Variants in NSMCE2 observed in about 807,000 individuals in gnomAD.
The protein encoded by NSMCE2 is E3 SUMO-protein ligase NSE2.
NSMCE2 carries 24 observed loss-of-function variants against 23.8 expected under a neutral mutation model. That is an observed-to-expected ratio of 1.01 (90% CI 0.73 to 1.42). NSMCE2 has a LOEUF of 1.42. Among genes scored for constraint, NSMCE2 ranks in the 40% most tolerant of loss-of-function variants. NSMCE2 has a pLI of 0.00. For missense variants in NSMCE2, 284 were observed against 296.5 expected (o/e 0.96, Z 0.31); for synonymous variants, 92 against 94.1 (o/e 0.98, Z 0.13).
chr8:125,160,697 A>T (rs1821567327), intron 4 of NSMCE2, among the ~76,000 whole-genome samples: 1 of 152,200 alleles, frequency 6.6e-6, no homozygotes, highest in Non-Finnish European at 1.5e-5. Context: ...AGAGATAAGA[A>T]CCAGACAACA....
intron 5 of NSMCE2, among the ~76,000 whole-genome samples, chr8:125,230,609 A>G (rs112461657): frequency 2.2e-4 from 34 of 152,262 alleles, no homozygotes; most frequent in African/African-American, 8.2e-4. Flanking sequence ...GTGAATTTTT[A>G]CTCAACACCA....
chr8:125,254,387 A>G (rs1826323451), intron 5 of NSMCE2, among the ~76,000 whole-genome samples: 1 of 152,224 alleles, frequency 6.6e-6, no homozygotes, highest in African/African-American at 2.4e-5. Flanking sequence ...ACGGGACCCA[A>G]TTTACAAAAG....
At chr8:125,265,208 A>G (rs1240762287) in intron 5 of NSMCE2, among the ~76,000 whole-genome samples, 1 of 149,536 alleles carries the variant, frequency 6.7e-6, no homozygotes, top group Non-Finnish European at 1.5e-5. Flanking sequence ...TGTTATTATT[A>G]TTATCATTAC....
intron 5 of NSMCE2, among the ~76,000 whole-genome samples, chr8:125,273,070 T>C (rs753776684): frequency 3.9e-5 from 6 of 152,146 alleles, no homozygotes; most frequent in Non-Finnish European, 8.8e-5. Context: ...CAGTTACTGC[T>C]TCATAAATGG....
rs137895376 is a variant in NSMCE2, at chr8:125,316,686, TCTTCCTTCTTTCCTTC to T, written c.419-40516_419-40501del. 2.5e-3 allele frequency among the ~76,000 whole-genome samples: 154 copies of T among 62,420 alleles called. 6 individuals carry two copies. Among genetic ancestry groups the T allele is most frequent in the Non-Finnish European group, 4.6e-3 (101 of 21,774 alleles). The allele number at this position is 62,420 out of a possible 152,430, so 40.9% of individuals were successfully genotyped here. On this transcript the variant is annotated intron_variant, in intron 5 of 7. Transcript: ENST00000287437. ...TCCTTCCTTCTTTCCTTCCTTCTTA[TCTTCCTTCTTTCCTTC>T]CTTCCTTCTTTCCTTCTTTCTTTCC...
intron 5 of NSMCE2, among the ~76,000 whole-genome samples, chr8:125,268,467 G>T (rs905062048): frequency 1.3e-5 from 2 of 151,982 alleles, no homozygotes; most frequent in African/African-American, 2.4e-5. Flanking sequence ...CAAGCAAAAA[G>T]AACTATTTGG....
At chr8:125,277,779 G>A (rs1264167913) in intron 5 of NSMCE2, among the ~76,000 whole-genome samples, 1 of 152,162 alleles carries the variant, frequency 6.6e-6, no homozygotes, top group East Asian at 1.9e-4. Flanking sequence ...CTCCCAGAGT[G>A]CTGGGATTAC....
intron 5 of NSMCE2, among the ~76,000 whole-genome samples, chr8:125,228,810 G>A (rs1379184928): frequency 6.6e-6 from 1 of 152,124 alleles, no homozygotes; most frequent in African/African-American, 2.4e-5. Context: ...CTTCTCATAA[G>A]TAGCTTAGCT....
At chr8:125,203,009 A>T (rs76709147) in intron 5 of NSMCE2, among the ~76,000 whole-genome samples, 1 of 152,208 alleles carries the variant, frequency 6.6e-6, no homozygotes, top group African/African-American at 2.4e-5. Flanking sequence ...TGTATTCACC[A>T]TGAACCTTCC....
intron 4 of NSMCE2, among the ~76,000 whole-genome samples, chr8:125,168,147 T>C (rs1293877031): frequency 1.3e-5 from 2 of 152,138 alleles, no homozygotes; most frequent in Non-Finnish European, 2.9e-5. Context: ...TACTTATGAG[T>C]TTAAGCTGCC....
chr8:125,217,583 G>T (rs964586821), intron 5 of NSMCE2, among the ~76,000 whole-genome samples: 2 of 152,002 alleles, frequency 1.3e-5, no homozygotes, highest in East Asian at 3.8e-4. Context: ...AGCCAGGATG[G>T]TCTGTATCTC....
chr8:125,257,786 G>T lies in NSMCE2; in HGVS notation c.418+75530G>T, dbSNP rs182027706. On this transcript the variant is annotated intron_variant, in intron 5 of 7. Coordinates refer to ENST00000287437, the MANE Select transcript of NSMCE2 (RefSeq NM_173685.4). The stretch of plus-strand genomic sequence containing the variant: ...CCTGACTTCATTATCCGCCCTCTTC[G>T]GCCTCCCAAAGTCCTGGGATTACAG... Among the ~76,000 whole-genome samples the T allele has an allele frequency of 1.2e-4, 18 of 152,032 alleles. No homozygotes were observed. In the East Asian group the frequency reaches 2.7e-3, roughly 23 times the overall value.
intron 4 of NSMCE2, among the ~76,000 whole-genome samples, chr8:125,154,827 T>G (rs746006378): frequency 6.6e-6 from 1 of 152,204 alleles, no homozygotes; most frequent in Non-Finnish European, 1.5e-5. Context: ...CAGTTTCATA[T>G]TGAGAACAGA....
chr8:125,219,012 C>A lies in NSMCE2; in HGVS notation c.418+36756C>A, dbSNP rs1015442785. On this transcript the variant is annotated intron_variant, in intron 5 of 7. Coordinates refer to ENST00000287437, the MANE Select transcript of NSMCE2 (RefSeq NM_173685.4). ...GCTAGGTACTTTAAGCATTTTAGTC[C>A]CCTGTGGTTACATTATCAGAAAAAT... Among the ~76,000 whole-genome samples the A allele has an allele frequency of 2.0e-5, 3 of 151,960 alleles. No homozygotes were observed. The South Asian group carries it at 6.2e-4, about 31-fold the overall frequency.
intron 5 of NSMCE2, among the ~76,000 whole-genome samples, chr8:125,286,417 A>AAGGCAGAGG (rs1827903028): frequency 6.6e-6 from 1 of 150,876 alleles, no homozygotes; most frequent in Non-Finnish European, 1.5e-5. Context: ...GGTTCAAGTG[A>AAGGCAGAGG]TGCTCCTGCC....
At chr8:125,109,501 AT>A (rs1818626476) in intron 3 of NSMCE2, among the ~76,000 whole-genome samples, 1 of 152,106 alleles carries the variant, frequency 6.6e-6, no homozygotes, top group Admixed American at 6.5e-5. Context: ...GTTTTATGAG[AT>A]TGTTGACTTT....
chr8:125,260,601 A>T (rs1399115829), intron 5 of NSMCE2, among the ~76,000 whole-genome samples: 2 of 146,928 alleles, frequency 1.4e-5, no homozygotes, highest in African/African-American at 2.5e-5. Flanking sequence ...TTGTGGTTTA[A>T]TTCCCTAATT....
intron 5 of NSMCE2, among the ~76,000 whole-genome samples, chr8:125,333,914 G>A (rs1168329610): frequency 6.6e-6 from 1 of 152,132 alleles, no homozygotes; most frequent in East Asian, 1.9e-4. Flanking sequence ...ACCAAGATCA[G>A]TGGCATGCTG....
chr8:125,357,446 G>T (rs1813330686), intron 6 of NSMCE2, 127 bp downstream of exon 6: 2 of 716,274 alleles, frequency 2.8e-6, no homozygotes, highest in Non-Finnish European at 4.8e-6. Flanking sequence ...AAGTGCTGGG[G>T]GTTGAAGAGT....
Sources: allele counts gnomAD v4.1 joint callset (sites outside exome capture counted in the v4.1 genomes callset), GRCh38; gene constraint gnomAD v4.1.1; transcripts MANE v1.5; gene names NCBI Gene and HGNC (gene_info 2026-07-23, HGNC 2026-07-21).